CHD4: variants seen among roughly 807,000 people sequenced by gnomAD.
CHD4 encodes the protein chromodomain helicase DNA binding protein 4.
Under a neutral mutation model 235.5 loss-of-function variants are expected in CHD4, and 35 were observed. The observed-to-expected ratio is 0.15, with a 90% confidence interval of 0.11 to 0.20. The LOEUF is 0.20. Among genes scored for constraint, CHD4 ranks in the 10% least tolerant of loss-of-function variants. The probability of loss-of-function intolerance (pLI) is 1.00; values close to 1 mark genes in which losing one functional copy is unlikely to be tolerated. For missense variants in CHD4, 1,329 were observed against 2,432.3 expected (o/e 0.55, Z 9.54); for synonymous variants, 900 against 850.2 (o/e 1.06, Z -1.02).
rs373847415 is a variant in CHD4, at chr12:6,602,047, C to T, written c.351G>A (p.Lys117=). 5.6e-6 allele frequency: 9 copies of T among 1,613,120 alleles called. No homozygotes were observed. In the Admixed American group the frequency reaches 1.2e-4, roughly 21 times the overall value. ...GSDYTPGKKK[K]KKLGPKKEKK... is the part of the protein sequence containing the mutation. The stretch of plus-strand genomic sequence containing the variant: ...TCTCTTTCTTAGGTCCAAGCTTCTT[C>T]TTCTTCTTCTTGCCAGGAGTATAGT... Residue 117 remains lysine, a synonymous_variant, in exon 4 of 40, where the codon AAG becomes AAA. Coordinates refer to ENST00000544040, the MANE Select transcript of CHD4 (RefSeq NM_001273.5).
At chr12:6,592,323 G>A (rs1478395078) in intron 19 of CHD4, 70 bp downstream of exon 19, 2 of 1,508,394 alleles carry the variant, frequency 1.3e-6, no homozygotes, top group African/African-American at 2.8e-5. Context: ...CTGAGTGGGG[G>A]AGGAATAGGA....
intron 13 of CHD4, among the ~76,000 whole-genome samples, chr12:6,595,783 C>T (rs1375895473): frequency 1.9e-4 from 24 of 125,314 alleles, no homozygotes; most frequent in African/African-American, 3.5e-4. Context: ...AGCAAGACTT[C>T]GTCTCAAAAA....
At chr12:6,594,718 C>T in intron 14 of CHD4, 68 bp from the exon 15 acceptor site, 1 of 1,428,082 alleles carries the variant, frequency 7.0e-7, no homozygotes, top group Non-Finnish European at 9.6e-7. Flanking sequence ...AGAGCAGCTG[C>T]TTCCTCCTCA....
intron 13 of CHD4, 90 bp downstream of exon 13, chr12:6,595,916 C>G (rs372282754): frequency 7.7e-6 from 11 of 1,432,218 alleles, no homozygotes; most frequent in African/African-American, 5.7e-5. Context: ...CAAGATCACG[C>G]CACTGCACTA....
At chr12:6,591,641 G>C in intron 21 of CHD4, 53 bp downstream of exon 21, 1 of 1,612,802 alleles carries the variant, frequency 6.2e-7, no homozygotes, top group South Asian at 1.1e-5. Context: ...CTTTCCTTAG[G>C]TCACTAAGGG....
rs752458786 is a variant in CHD4, at chr12:6,581,597, T to C, written c.4681+52A>G. ...AACTGAGCACAGGGGAGCAGAAAAA[T>C]AGGCCAGGACAAAAAGAGAGGGACA... On this transcript the variant is annotated intron_variant, in intron 31 of 39. Transcript: ENST00000544040. 1.6e-5 allele frequency: 26 copies of C among 1,612,558 alleles called. No individual in the cohort carries two copies. In the East Asian group the frequency reaches 4.5e-4, roughly 28 times the overall value.
Position 6,600,207 on chromosome 12 carries a change from A to G in CHD4, c.1242+10T>C. On this transcript the variant is annotated intron_variant, in intron 9 of 39. Transcript: ENST00000544040. ...TGGGTTCCAAGGGGCCACAATGGCC[A>G]GACACTCACGCAGTGTGGGCAGCTC... 6.2e-7 allele frequency: 1 copy of G among 1,613,666 alleles called. No homozygotes were observed. Among genetic ancestry groups the G allele is most frequent in the African/African-American group, 1.3e-5 (1 of 75,034 alleles).
At position 6,606,463 on chromosome 12, in the gene CHD4, A is replaced by C. The variant is rs961709737; in HGVS notation, c.-78-12T>G. On this transcript the variant is annotated splice_polypyrimidine_tract_variant and intron_variant, in intron 1 of 39. Transcript: ENST00000544040. ...ACTGGCCCGAGTCACTGTGCGGGGG[A>C]GGGGGGAGAAACACAGAACAGTCAG... 2 of 678,438 alleles carry C rather than the reference A, an allele frequency of 2.9e-6. No homozygotes were observed. Among genetic ancestry groups the C allele is most frequent in the Non-Finnish European group, 4.9e-6 (2 of 406,506 alleles). 42.0% of individuals were successfully genotyped at this position (678,438 alleles called of 1,614,324 possible).
In CHD4 at chr12:6,593,612, T is replaced by C; in HGVS notation, c.2318A>G (p.His773Arg). Residue 773 changes from histidine to arginine, a missense_variant, in exon 16 of 40, where the codon CAT becomes CGT. Coordinates refer to ENST00000544040, the MANE Select transcript of CHD4 (RefSeq NM_001273.5). The surrounding 1 kb of genome is among the most constrained non-coding windows in gnomAD (Gnocchi z 4.9). ...GCTCACTAGGAAGGGGCCTTTGGAA[T>C]GACCCTTTGAGAAAAAAGAGGAGAG... ...VFLYSLYKEG[H>R]SKGPFLVSAP... The C allele has an allele frequency of 1.2e-6, 2 of 1,614,054 alleles. No individual in the cohort carries two copies. Among genetic ancestry groups the C allele is most frequent in the Non-Finnish European group, 1.7e-6 (2 of 1,180,012 alleles).
rs759596308 is a variant in CHD4 at position 6,599,977 on chromosome 12, G to A, written c.1278C>T (p.Asp426=). Residue 426 remains aspartate, a synonymous_variant, in exon 10 of 40, where the codon GAC becomes GAT. Transcript: ENST00000544040. The part of the protein sequence containing the change: ...KEGIQWEAKE[D]NSEGEEILEE... Reference sequence around the variant, plus strand: ...CCAGGATCTCCTCACCCTCCGAATTGTCCTCTTTAGCTTCCCACTGGATGC... The same window carrying A: ...CCAGGATCTCCTCACCCTCCGAATTATCCTCTTTAGCTTCCCACTGGATGC... 9.9e-6 allele frequency: 16 copies of A among 1,614,030 alleles called. No individual in the cohort carries two copies. The highest frequency in any genetic ancestry group is 1.3e-5 in the African/African-American group (1 of 74,914).
chr12:6,583,936 AT>A (rs1948238205), intron 25 of CHD4: 1 of 152,236 alleles, frequency 6.6e-6, no homozygotes, highest in African/African-American at 2.4e-5. Flanking sequence ...CCACTCACTG[AT>A]TCCACATCCC....
In CHD4 at chr12:6,581,054, T is replaced by C. The variant is rs376623604; in HGVS notation, c.4899A>G (p.Thr1633=). ...TGTGGATACCTTTACCTTTGGGCTC[T>C]GTCTCCATAGGTTCCTCTGTTCTCT... is the stretch of plus-strand genomic sequence containing the variant. ...VKERTEEPME[T]EPKGAADVEK... is the part of the protein sequence containing the mutation. Residue 1633 remains threonine, a synonymous_variant, in exon 33 of 40, where the codon ACA becomes ACG. Coordinates refer to ENST00000544040, the MANE Select transcript of CHD4 (RefSeq NM_001273.5). 1.2e-6 allele frequency: 2 copies of C among 1,614,018 alleles called. No homozygotes were observed. The highest frequency in any genetic ancestry group is 2.7e-5 in the African/African-American group (2 of 75,038).
chr12:6,578,722 G>T, intron 34 of CHD4, 124 bp downstream of exon 34: 2 of 1,348,634 alleles, frequency 1.5e-6, no homozygotes, highest in South Asian at 2.4e-5. Flanking sequence ...GTGGGGACAG[G>T]TACAGTCTTT....
chr12:6,599,174 G>A (rs767916032), intron 10 of CHD4, among the ~76,000 whole-genome samples: 4 of 152,196 alleles, frequency 2.6e-5, no homozygotes, highest in African/African-American at 9.7e-5. Context: ...GTAAACACCT[G>A]TAATGCCAGC....
rs760135213 is a variant in CHD4 at position 6,573,246 on chromosome 12, A to T, written c.5385T>A (p.Ile1795=). 9.5e-6 allele frequency: 15 copies of T among 1,573,838 alleles called. No homozygotes were observed. Among genetic ancestry groups the T allele is most frequent in the Non-Finnish European group, 1.3e-5 (15 of 1,166,202 alleles). ...AAGCAGCCCGGCGCAGCTGTTCCTC[A>T]ATCACCAGAGCTTGTTCTAAGAGCT... ...RFKLLEQALV[I]EEQLRRAAYL... Residue 1795 remains isoleucine (I), a synonymous_variant, in exon 38 of 40, where the codon ATT becomes ATA. Coordinates refer to ENST00000544040, the MANE Select transcript of CHD4 (RefSeq NM_001273.5).
At chr12:6,586,416 A>G (rs967039829) in intron 25 of CHD4, among the ~76,000 whole-genome samples, 1 of 151,702 alleles carries the variant, frequency 6.6e-6, no homozygotes, top group African/African-American at 2.4e-5. Flanking sequence ...AAATAAATAA[A>G]TACATACATA....
chr12:6,582,550 T>C, intron 29 of CHD4, 65 bp downstream of exon 29: 2 of 1,547,998 alleles, frequency 1.3e-6, no homozygotes, highest in Admixed American at 2.0e-5. Flanking sequence ...CCTAGAACCA[T>C]GGAATGACCA....
intron 37 of CHD4, among the ~76,000 whole-genome samples, chr12:6,575,201 A>T (rs1231458700): frequency 5.3e-5 from 8 of 152,188 alleles, no homozygotes; most frequent in Admixed American, 6.5e-5. Context: ...TAATCCCAGC[A>T]CTTTGGGAGG....
At chr12:6,597,685 G>A (rs1265195310) in intron 12 of CHD4, among the ~76,000 whole-genome samples, 1 of 152,068 alleles carries the variant, frequency 6.6e-6, no homozygotes, top group African/African-American at 2.4e-5. Context: ...ATAATCACTT[G>A]AATCTGGGAG....
Sources: gnomAD v4.1 joint callset for allele counts (sites outside exome capture counted in the v4.1 genomes callset) on GRCh38, gnomAD v4.1.1 for gene constraint, Gnocchi (gnomAD v3.1) non-coding constraint, MANE v1.5 for transcripts, NCBI Gene and HGNC (gene_info 2026-07-23, HGNC 2026-07-21) for gene names.